The following ZFYVE26 variants were observed in gnomAD, a reference collection of about 807,000 sequenced individuals.
The protein encoded by ZFYVE26 is zinc finger FYVE domain-containing protein 26.
ZFYVE26 carries 181 observed loss-of-function variants against 276.5 expected under a neutral mutation model. The ratio of observed to expected loss-of-function variants is 0.65; its 90% CI spans 0.58 to 0.74. ZFYVE26 has a LOEUF of 0.74. Ranked by LOEUF, ZFYVE26 falls within the 30% of genes least tolerant of loss-of-function variation. ZFYVE26 has a pLI of 0.00. For missense variants in ZFYVE26, 2,821 were observed against 3,097.9 expected, an observed-to-expected ratio of 0.91 and a Z score of 2.12; for synonymous variants, 1,129 against 1,203.1, an observed-to-expected ratio of 0.94 and a Z score of 1.27.
intron 29 of ZFYVE26, 23 bp downstream of exon 29, chr14:67,769,571 C>G: frequency 6.2e-7 from 1 of 1,613,590 alleles, no homozygotes; most frequent in Non-Finnish European, 8.5e-7. Context: ...ATAATAGCAA[C>G]AGCCCTGCTG....
In ZFYVE26 at chr14:67,766,086, A is replaced by G. The variant is rs191334390; in HGVS notation, c.6011+141T>C. 9 of 865,042 alleles carry G rather than the reference A, an allele frequency of 1.0e-5. No individual in the cohort carries two copies. The African/African-American group carries it at 1.5e-4, about 14-fold the overall frequency. 53.6% of individuals were successfully genotyped at this position (865,042 alleles called of 1,614,324 possible). A position where few individuals can be genotyped will look rare whatever the true frequency, so the allele number is the denominator to read the frequency against. On this transcript the variant is annotated intron_variant, in intron 32 of 41. Transcript: ENST00000347230. ...ACTTGAGATCTGGCAACACCGTTTCATCAACATTACACAGATGAAAAATCT... is the reference window on the plus strand; with the variant it reads ...ACTTGAGATCTGGCAACACCGTTTCGTCAACATTACACAGATGAAAAATCT...
chr14:67,756,626 CT>C (rs150648952), intron 35 of ZFYVE26, among the ~76,000 whole-genome samples: 2,310 of 152,320 alleles, frequency 0.015, 42 homozygotes, highest in African/African-American at 0.043. Context: ...ACACTATCCT[CT>C]CCAGATTTTC....
chr14:67,790,818 T>G, intron 14 of ZFYVE26, 45 bp from the exon 15 acceptor site: 1 of 1,559,368 alleles, frequency 6.4e-7, no homozygotes, highest in Non-Finnish European at 8.8e-7. Context: ...GTCCCACTGA[T>G]TTAGGGAATG....
At chr14:67,814,843 A>G (rs1034222449) in intron 2 of ZFYVE26, among the ~76,000 whole-genome samples, 1 of 152,242 alleles carries the variant, frequency 6.6e-6, no homozygotes, top group South Asian at 2.1e-4. Flanking sequence ...GGAGAAAAAG[A>G]AAAGGAAGGG....
At chr14:67,755,344 A>C in intron 36 of ZFYVE26, 94 bp from the exon 37 acceptor site, 1 of 1,454,262 alleles carries the variant, frequency 6.9e-7, no homozygotes, top group Non-Finnish European at 9.5e-7. Context: ...TGCCTATGAG[A>C]CCTTGTTTCC....
At chr14:67,753,591 A>T in intron 39 of ZFYVE26, 116 bp downstream of exon 39, 1 of 1,099,572 alleles carries the variant, frequency 9.1e-7, no homozygotes, top group South Asian at 1.3e-5. Context: ...TTTCATCCCT[A>T]ATGTGCATGT....
At chr14:67,743,998 A>G (rs1362328392), downstream of ZFYVE26, among the ~76,000 whole-genome samples, 1 of 152,222 alleles carries the variant, frequency 6.6e-6, no homozygotes, top group Admixed American at 6.5e-5. Flanking sequence ...GCATTCCACC[A>G]AAGAAGCCAT....
chr14:67,753,799 T>C lies in ZFYVE26; in HGVS notation c.7129-33A>G, dbSNP rs746940144. The C allele has an allele frequency of 2.5e-6, 4 of 1,607,134 alleles. No individual in the cohort carries two copies. In the South Asian group the frequency reaches 4.4e-5, roughly 18 times the overall value. On this transcript the variant is annotated intron_variant, in intron 38 of 41. Coordinates refer to ENST00000347230, the MANE Select transcript of ZFYVE26 (RefSeq NM_015346.4). ...GGAAAGGGAATCATGCTTAAAAACA[T>C]GGCAATTACTAGAGAATACTCTTGA...
chr14:67,800,010 G>A (rs1168450461), intron 10 of ZFYVE26, among the ~76,000 whole-genome samples: 1 of 152,120 alleles, frequency 6.6e-6, no homozygotes, highest in Admixed American at 6.5e-5. Flanking sequence ...AACACTTGCT[G>A]GACAGCTATC....
At chr14:67,767,660 A>G (rs964141117) in intron 31 of ZFYVE26, 44 bp downstream of exon 31, 1 of 1,613,772 alleles carries the variant, frequency 6.2e-7, no homozygotes, top group Non-Finnish European at 8.5e-7. Flanking sequence ...ACTGCTACAC[A>G]TCATAAAGAA....
intron 3 of ZFYVE26, 113 bp downstream of exon 3, chr14:67,813,873 G>GT: frequency 1.3e-6 from 1 of 788,728 alleles, no homozygotes; most frequent in Non-Finnish European, 2.2e-6. Context: ...TTGAGAATGA[G>GT]TATGATGAAT....
chr14:67,774,136 C>T (rs2039281159), intron 27 of ZFYVE26, among the ~76,000 whole-genome samples: 1 of 152,234 alleles, frequency 6.6e-6, no homozygotes, highest in Non-Finnish European at 1.5e-5. Flanking sequence ...TTTGCAAACA[C>T]ATGCGGTCAT....
chr14:67,799,662 A>G (rs1193989125), intron 10 of ZFYVE26: 2 of 1,270,488 alleles, frequency 1.6e-6, no homozygotes, highest in African/African-American at 3.0e-5. Context: ...CATGGTAGGC[A>G]AGGTGCTGGC....
intron 27 of ZFYVE26, among the ~76,000 whole-genome samples, chr14:67,773,534 CAAA>C (rs35244775): frequency 1.7e-5 from 2 of 117,922 alleles, no homozygotes; most frequent in Non-Finnish European, 1.7e-5. Flanking sequence ...ATCCTGTCTC[CAAA>C]AAAAAAAAAA....
At chr14:67,744,129 G>A (rs939547597), downstream of ZFYVE26, among the ~76,000 whole-genome samples, 1 of 152,208 alleles carries the variant, frequency 6.6e-6, no homozygotes, top group Admixed American at 6.5e-5. Context: ...TTCCTCTGGG[G>A]TTACTGTGGC....
At chr14:67,790,947 T>C (rs2140234542) in intron 14 of ZFYVE26, among the ~76,000 whole-genome samples, 174 bp from the exon 15 acceptor site, 1 of 152,172 alleles carries the variant, frequency 6.6e-6, no homozygotes, top group South Asian at 2.1e-4. Flanking sequence ...AAATAATTCA[T>C]AAAAGTAAGA....
intron 25 of ZFYVE26, 111 bp from the exon 26 acceptor site, chr14:67,776,217 C>T: frequency 6.8e-7 from 1 of 1,467,330 alleles, no homozygotes; most frequent in Non-Finnish European, 9.4e-7. Flanking sequence ...AGGTGCATAG[C>T]CAGCTACTGA....
chr14:67,769,879 T>C, intron 28 of ZFYVE26, 149 bp from the exon 29 acceptor site: 1 of 1,052,010 alleles, frequency 9.5e-7, no homozygotes, highest in South Asian at 1.4e-5. Flanking sequence ...GACACACCAG[T>C]CCTTGCCCTC....
chr14:67,798,640 AGAG>A lies in ZFYVE26; in HGVS notation c.1640-21_1640-19del. 6.2e-7 allele frequency: 1 copy of A among 1,613,570 alleles called. No individual in the cohort carries two copies. The highest frequency in any genetic ancestry group is 1.1e-5 in the South Asian group (1 of 91,078). On this transcript the variant is annotated intron_variant, in intron 10 of 41. Coordinates refer to ENST00000347230, the MANE Select transcript of ZFYVE26 (RefSeq NM_015346.4). ...TGCAGCACCTACAAAAACATGTACAAGAGAAGAGGCCAGAGAAAGAGAAGACAG... is the reference window on the plus strand; with the variant it reads ...TGCAGCACCTACAAAAACATGTACAAAAGAGGCCAGAGAAAGAGAAGACAG...
Sources: allele counts gnomAD v4.1 joint callset (sites outside exome capture counted in the v4.1 genomes callset), GRCh38; gene constraint gnomAD v4.1.1; transcripts MANE v1.5; gene names NCBI Gene and HGNC (gene_info 2026-07-23, HGNC 2026-07-21).